PRELID2: variants seen among roughly 807,000 people sequenced by gnomAD.
The protein encoded by PRELID2 is PRELI domain containing 2.
PRELID2 carries 25 observed loss-of-function variants against 28.4 expected under a neutral mutation model. The ratio of observed to expected loss-of-function variants is 0.88; its 90% CI spans 0.64 to 1.23. The LOEUF is 1.23. Among genes scored for constraint, PRELID2 ranks in the 50% most tolerant of loss-of-function variants. The probability of loss-of-function intolerance (pLI) is 0.00; values close to 1 mark genes in which losing one functional copy is unlikely to be tolerated. For synonymous variants in PRELID2, 76 were observed against 71.6 expected (o/e 1.06, Z -0.31); for missense variants, 201 against 214.4 (o/e 0.94, Z 0.39).
At chr5:145,432,446 A>AAG in the PRELID2 span, among the ~76,000 whole-genome samples, 1 of 150,710 alleles carries the variant, frequency 6.6e-6, no homozygotes, top group African/African-American at 2.4e-5. Context: ...AAAAAAAAAA[A>AAG]GCAAAACCTA....
chr5:145,750,672 A>AT (rs1234075913), intron 1 of PRELID2, among the ~76,000 whole-genome samples: 1 of 152,222 alleles, frequency 6.6e-6, no homozygotes, highest in African/African-American at 2.4e-5. Context: ...AAATATGTGC[A>AT]TTTTGTACAC....
downstream of PRELID2, among the ~76,000 whole-genome samples, chr5:145,467,749 C>A (rs901874992): frequency 6.7e-6 from 1 of 148,522 alleles, no homozygotes; most frequent in Non-Finnish European, 1.5e-5. Context: ...ATCATTCTAC[C>A]GCCTGACTTT....
chr5:145,664,113 T>G (rs1477606658), intron 1 of PRELID2, among the ~76,000 whole-genome samples: 1 of 152,114 alleles, frequency 6.6e-6, no homozygotes, highest in African/African-American at 2.4e-5. Flanking sequence ...TATTGAAGAA[T>G]GTAAATAAGT....
At chr5:145,603,806 T>C (rs1377269199) in intron 1 of PRELID2, among the ~76,000 whole-genome samples, 1 of 152,144 alleles carries the variant, frequency 6.6e-6, no homozygotes, top group African/African-American at 2.4e-5. Context: ...AAAGTGTCAA[T>C]TATTAAAATA....
the PRELID2 span, among the ~76,000 whole-genome samples, chr5:145,240,624 C>T: frequency 1.3e-5 from 2 of 152,016 alleles, no homozygotes; most frequent in African/African-American, 2.4e-5. Flanking sequence ...TAATAAATGT[C>T]TTTCTACGTA....
chr5:145,779,093 TA>T (rs1326873061), intron 5 of PRELID2, among the ~76,000 whole-genome samples: 1 of 152,216 alleles, frequency 6.6e-6, no homozygotes, highest in Non-Finnish European at 1.5e-5. Context: ...AGAGTTTTGT[TA>T]AAAGATAATA....
intron 1 of PRELID2, among the ~76,000 whole-genome samples, chr5:145,498,480 T>A (rs1020603677): frequency 6.6e-6 from 1 of 152,082 alleles, no homozygotes; most frequent in Admixed American, 6.6e-5. Context: ...GACAATGCAG[T>A]GAGAACTTGT....
At chr5:145,342,232 C>T in the PRELID2 span, among the ~76,000 whole-genome samples, 5 of 152,236 alleles carry the variant, frequency 3.3e-5, no homozygotes, top group Admixed American at 2.6e-4. Context: ...TACCACTAGA[C>T]ATTCCCCACA....
the PRELID2 span, among the ~76,000 whole-genome samples, chr5:145,244,533 T>C: frequency 1.3e-5 from 2 of 151,958 alleles, no homozygotes; most frequent in South Asian, 2.1e-4. Flanking sequence ...TGAGACCATA[T>C]TCCCTGGAGT....
At chr5:145,740,266 ATATATATATATATATATAT>A in intron 1 of PRELID2, among the ~76,000 whole-genome samples, 1 of 1,282 alleles carries the variant, frequency 7.8e-4, no homozygotes, top group Non-Finnish European at 1.3e-3. Context: ...GATTTATCAA[ATATATATATATATATATAT>A]ATATATATAT....
chr5:145,658,443 C>G (rs1754432701), intron 1 of PRELID2, among the ~76,000 whole-genome samples: 1 of 152,108 alleles, frequency 6.6e-6, no homozygotes, highest in South Asian at 2.1e-4. Context: ...AATGTGATTC[C>G]CAGTTTTGGA....
At chr5:145,394,252 T>C in the PRELID2 span, among the ~76,000 whole-genome samples, 1 of 151,908 alleles carries the variant, frequency 6.6e-6, no homozygotes. Context: ...TATGCAGCCA[T>C]AAAAAAATGA....
chr5:145,713,350 T>TTATATATATATATATATATATATATA (rs148194664), intron 1 of PRELID2, among the ~76,000 whole-genome samples: 2,007 of 123,752 alleles, frequency 0.016, 33 homozygotes, highest in South Asian at 0.023. Flanking sequence ...ATATCTGACT[T>TTATATATATATATATATATATATATA]TATATATATA....
the PRELID2 span, among the ~76,000 whole-genome samples, chr5:145,403,525 C>T: frequency 2.0e-4 from 31 of 152,332 alleles, no homozygotes; most frequent in East Asian, 5.0e-3. Flanking sequence ...CCTTCTAAGC[C>T]TGTTCCTACT....
the PRELID2 span, among the ~76,000 whole-genome samples, chr5:145,314,044 TAC>T: frequency 3.9e-5 from 6 of 152,204 alleles, no homozygotes; most frequent in Non-Finnish European, 8.8e-5. Context: ...TGAGACATCG[TAC>T]AGTTTCCCAA....
chr5:145,269,308 C>A, the PRELID2 span, among the ~76,000 whole-genome samples: 1 of 152,028 alleles, frequency 6.6e-6, no homozygotes, highest in Non-Finnish European at 1.5e-5. Flanking sequence ...GCAAATAGAT[C>A]ATTGAAACAA....
the PRELID2 span, among the ~76,000 whole-genome samples, chr5:145,391,390 C>G: frequency 6.6e-6 from 1 of 152,176 alleles, no homozygotes; most frequent in Non-Finnish European, 1.5e-5. Context: ...GTATGTTGGC[C>G]CCTTTTAGCC....
the PRELID2 span, among the ~76,000 whole-genome samples, chr5:145,266,910 C>T: frequency 1.3e-4 from 20 of 152,042 alleles, no homozygotes; most frequent in Admixed American, 2.6e-4. Flanking sequence ...GGCCATTATT[C>T]TAAGTTAAGT....
chr5:145,534,874 G>C (rs966202947), intron 1 of PRELID2, among the ~76,000 whole-genome samples: 1 of 151,844 alleles, frequency 6.6e-6, no homozygotes, highest in Non-Finnish European at 1.5e-5. Flanking sequence ...CATTGTATGA[G>C]GTGGCTTTAA....
Sources: gnomAD v4.1 joint callset for allele counts (sites outside exome capture counted in the v4.1 genomes callset) on GRCh38, gnomAD v4.1.1 for gene constraint, MANE v1.5 for transcripts, NCBI Gene and HGNC (gene_info 2026-07-23, HGNC 2026-07-21) for gene names.